AFAP1: variants seen among roughly 807,000 people sequenced by gnomAD.
The protein encoded by AFAP1 is actin filament-associated protein 1.
In AFAP1, 75 loss-of-function variants were observed where a neutral mutation model predicts 93.9. The observed-to-expected ratio is 0.80, with a 90% CI of 0.66 to 0.97. The LOEUF is 0.97. Ranked by LOEUF, AFAP1 falls within the 50% of genes least tolerant of loss-of-function variation. The probability of loss-of-function intolerance (pLI) is 0.00; values close to 1 mark genes in which losing one functional copy is unlikely to be tolerated. For missense variants in AFAP1, 1,201 were observed against 1,050.8 expected, an observed-to-expected ratio of 1.14 and a Z score of -1.98; for synonymous variants, 517 against 430.7, an observed-to-expected ratio of 1.20 and a Z score of -2.48.
intron 3 of AFAP1, chr4:7,861,938 G>A (rs992327907): frequency 1.3e-5 from 2 of 152,244 alleles, no homozygotes; most frequent in East Asian, 1.9e-4. Flanking sequence ...AAAGAGCCTC[G>A]TAATGTCATC....
chr4:7,817,216 A>T (rs1720554239), intron 7 of AFAP1, among the ~76,000 whole-genome samples: 1 of 152,236 alleles, frequency 6.6e-6, no homozygotes. Flanking sequence ...CTAGTAATTC[A>T]GCTTCCAGAA....
Position 7,795,706 on chromosome 4 carries a change from C to T in AFAP1, c.1267-1880G>A, listed in dbSNP as rs369434542. ...TCCCAAAGTGCTGGGATTACAGCACCCGGCAAACAAAATCTATATTGAGAA... is the reference window on the plus strand; with the variant it reads ...TCCCAAAGTGCTGGGATTACAGCACTCGGCAAACAAAATCTATATTGAGAA... On this transcript the variant is annotated intron_variant, in intron 10 of 17. Coordinates refer to ENST00000420658, the MANE Select transcript of AFAP1 (RefSeq NM_001134647.2). Among the ~76,000 whole-genome samples, 5 of 151,542 alleles carry T rather than the reference C, an allele frequency of 3.3e-5. No homozygotes were observed. The East Asian group carries it at 7.8e-4, about 24-fold the overall frequency.
At chr4:7,889,544 AAAAAAAAAAAAAAAG>A (rs1186654750) in intron 1 of AFAP1, among the ~76,000 whole-genome samples, 1 of 144,832 alleles carries the variant, frequency 6.9e-6, no homozygotes, top group African/African-American at 2.5e-5. Context: ...CTCCATCCCA[AAAAAAAAAAAAAAAG>A]AAAAAAAAAA....
intron 1 of AFAP1, among the ~76,000 whole-genome samples, chr4:7,891,164 A>C (rs1446529142): frequency 6.6e-6 from 1 of 152,242 alleles, no homozygotes; most frequent in African/African-American, 2.4e-5. Context: ...AGAAGCTAAC[A>C]CAAGCCCAAA....
chr4:7,784,120 C>G (rs1432051677), intron 12 of AFAP1, among the ~76,000 whole-genome samples: 1 of 152,128 alleles, frequency 6.6e-6, no homozygotes, highest in African/African-American at 2.4e-5. Context: ...GAAGAACTCG[C>G]ACAAGCCCCT....
intron 10 of AFAP1, among the ~76,000 whole-genome samples, chr4:7,798,739 C>T (rs1336095105): frequency 6.6e-6 from 1 of 152,174 alleles, no homozygotes; most frequent in African/African-American, 2.4e-5. Context: ...CTACCACTTT[C>T]TCTCCAGGAC....
At chr4:7,782,198 G>C (rs945209850) in intron 12 of AFAP1, among the ~76,000 whole-genome samples, 9 of 152,270 alleles carry the variant, frequency 5.9e-5, no homozygotes, top group African/African-American at 2.2e-4. Context: ...TGGAAGCAGA[G>C]ACAGGGCCTG....
chr4:7,773,030 CG>C lies in AFAP1; in HGVS notation c.2063-21del. The C allele has an allele frequency of 6.2e-7, 1 of 1,601,460 alleles. No homozygotes were observed. Among genetic ancestry groups the C allele is most frequent in the Non-Finnish European group, 8.5e-7 (1 of 1,178,340 alleles). On this transcript the variant is annotated intron_variant, in intron 15 of 17. Transcript: ENST00000420658. ...TCCTGCCTGGAATTCCCAGAAACGC[CG>C]TTACTCCCGCGGCAGGCACAGGTTC...
chr4:7,765,076 C>A (rs945210571), intron 17 of AFAP1, among the ~76,000 whole-genome samples: 2 of 152,072 alleles, frequency 1.3e-5, no homozygotes, highest in Non-Finnish European at 2.9e-5. Flanking sequence ...TGCACTCGAG[C>A]GTGGTCAACA....
intron 8 of AFAP1, among the ~76,000 whole-genome samples, chr4:7,810,651 A>T (rs1389791222): frequency 2.0e-5 from 3 of 152,200 alleles, no homozygotes; most frequent in African/African-American, 7.2e-5. Context: ...ATTGGAGTTA[A>T]TTTTTGAAAC....
chr4:7,766,768 G>T (rs1714655368), intron 17 of AFAP1, among the ~76,000 whole-genome samples: 1 of 152,154 alleles, frequency 6.6e-6, no homozygotes, highest in East Asian at 1.9e-4. Flanking sequence ...TTGGCACACG[G>T]CCTGCCCAGA....
At position 7,762,195 on chromosome 4, in the gene AFAP1, CTG is replaced by C. The variant is rs1389031920; in HGVS notation, c.*1568_*1569del. 1 of 152,274 alleles carries C rather than the reference CTG, an allele frequency of 6.6e-6. No homozygotes were observed. The highest frequency in any genetic ancestry group is 1.5e-5 in the Non-Finnish European group (1 of 68,056). 9.4% of individuals were successfully genotyped at this position (152,274 alleles called of 1,614,324 possible). On this transcript the variant is annotated 3_prime_UTR_variant, in exon 18 of 18. Coordinates refer to ENST00000420658, the MANE Select transcript of AFAP1 (RefSeq NM_001134647.2). The stretch of plus-strand genomic sequence containing the variant: ...CCACCACCTTAAACATGAATCCTAA[CTG>C]TAAAGTCCCGTGCACCACACAGCTA...
chr4:7,845,180 G>C (rs1713538682), intron 4 of AFAP1, among the ~76,000 whole-genome samples: 1 of 152,152 alleles, frequency 6.6e-6, no homozygotes, highest in Non-Finnish European at 1.5e-5. Context: ...GCAGCCCTTT[G>C]GGAGGCCAAG....
rs182287335 is a variant in AFAP1, at chr4:7,910,093, C to T, written c.-3+29563G>A. 1.4e-3 allele frequency among the ~76,000 whole-genome samples: 206 copies of T among 152,256 alleles called. 1 individual carries two copies. The highest frequency in any genetic ancestry group is 4.4e-3 in the African/African-American group (184 of 41,532). Reference sequence around the variant, plus strand: ...TACAAAACAACTTCTTGTATCTTCCCGGTCAGTGGCCTAGGGACTGACTCT... The same window carrying T: ...TACAAAACAACTTCTTGTATCTTCCTGGTCAGTGGCCTAGGGACTGACTCT... On this transcript the variant is annotated intron_variant, in intron 1 of 17. Transcript: ENST00000420658.
intron 17 of AFAP1, among the ~76,000 whole-genome samples, chr4:7,767,865 G>C (rs1041362256): frequency 3.9e-5 from 6 of 152,218 alleles, no homozygotes; most frequent in African/African-American, 1.4e-4. Flanking sequence ...CTTGAGCCCA[G>C]GAGTTTGATA....
At chr4:7,884,056 G>T (rs984721104) in intron 1 of AFAP1, among the ~76,000 whole-genome samples, 1 of 152,164 alleles carries the variant, frequency 6.6e-6, no homozygotes, top group Non-Finnish European at 1.5e-5. Flanking sequence ...TGCTGTCCTT[G>T]CAATAGTGAG....
intron 1 of AFAP1, among the ~76,000 whole-genome samples, chr4:7,899,122 T>G (rs1397839577): frequency 1.3e-5 from 2 of 151,924 alleles, no homozygotes; most frequent in African/African-American, 2.4e-5. Context: ...AATTTCAAAA[T>G]AATATGATGA....
intron 1 of AFAP1, among the ~76,000 whole-genome samples, chr4:7,876,790 T>C (rs1210681705): frequency 6.6e-6 from 1 of 152,224 alleles, no homozygotes; most frequent in East Asian, 1.9e-4. Flanking sequence ...CACCTGAAAC[T>C]GTAACCAAAA....
chr4:7,898,913 G>A (rs1718954674), intron 1 of AFAP1, among the ~76,000 whole-genome samples: 1 of 149,538 alleles, frequency 6.7e-6, no homozygotes, highest in Admixed American at 6.7e-5. Context: ...AAATATATAT[G>A]TGTGTATATA....
Sources: allele counts gnomAD v4.1 joint callset (sites outside exome capture counted in the v4.1 genomes callset), GRCh38; gene constraint gnomAD v4.1.1; transcripts MANE v1.5; gene names NCBI Gene and HGNC (gene_info 2026-07-23, HGNC 2026-07-21).